ZMAT4: variants seen among roughly 807,000 people sequenced by gnomAD.
ZMAT4 encodes the protein zinc finger matrin-type protein 4.
ZMAT4 carries 17 observed loss-of-function variants against 28.7 expected under a neutral mutation model. That is an observed-to-expected ratio of 0.59 (90% CI 0.41 to 0.89). The LOEUF is 0.89. Among genes scored for constraint, ZMAT4 ranks in the 40% least tolerant of loss-of-function variants. The probability of loss-of-function intolerance (pLI) is 0.00; values close to 1 mark genes in which losing one functional copy is unlikely to be tolerated. For missense variants in ZMAT4, 240 were observed against 283.8 expected, an observed-to-expected ratio of 0.85 and a Z score of 1.11; for synonymous variants, 117 against 109.2, an observed-to-expected ratio of 1.07 and a Z score of -0.44.
chr8:40,716,109 A>G (rs1810842820), intron 3 of ZMAT4, among the ~76,000 whole-genome samples: 1 of 152,226 alleles, frequency 6.6e-6, no homozygotes, highest in South Asian at 2.1e-4. Flanking sequence ...GAAAAGATAT[A>G]ACTTTAATGG....
chr8:40,646,557 A>C (rs1270201280), intron 5 of ZMAT4, among the ~76,000 whole-genome samples: 1 of 152,140 alleles, frequency 6.6e-6, no homozygotes, highest in Non-Finnish European at 1.5e-5. Flanking sequence ...TAAAATAAGA[A>C]GTATCCATTT....
intron 3 of ZMAT4, among the ~76,000 whole-genome samples, chr8:40,765,587 C>T (rs531043651): frequency 1.6e-4 from 25 of 152,296 alleles, no homozygotes; most frequent in African/African-American, 3.4e-4. Flanking sequence ...TCCACGGGGA[C>T]TTTGATAAAG....
chr8:40,809,445 T>C (rs1799188697), intron 2 of ZMAT4, among the ~76,000 whole-genome samples: 1 of 152,152 alleles, frequency 6.6e-6, no homozygotes, highest in Non-Finnish European at 1.5e-5. Flanking sequence ...AACAAACCTG[T>C]ACATGTATCC....
At chr8:40,630,205 A>C (rs1201227402) in intron 5 of ZMAT4, among the ~76,000 whole-genome samples, 2 of 152,192 alleles carry the variant, frequency 1.3e-5, no homozygotes, top group Non-Finnish European at 2.9e-5. Flanking sequence ...CTTTAAACAG[A>C]AGTATGTGTT....
At position 40,814,468 on chromosome 8, in the gene ZMAT4, A is replaced by G. The variant is rs116409611; in HGVS notation, c.102+11107T>C. ...CAATCATTACAGGTCGAGATCTGAA[A>G]AGCAACTGATATGTGCATCACTACA... On this transcript the variant is annotated intron_variant, in intron 2 of 6. Transcript: ENST00000297737. Among the ~76,000 whole-genome samples the G allele has an allele frequency of 3.3e-3, 497 of 152,366 alleles. 5 individuals are homozygous for G. Among genetic ancestry groups the G allele is most frequent in the African/African-American group, 0.011 (469 of 41,586 alleles).
At chr8:40,595,945 A>T (rs1452209858) in intron 5 of ZMAT4, among the ~76,000 whole-genome samples, 1 of 152,000 alleles carries the variant, frequency 6.6e-6, no homozygotes, top group Non-Finnish European at 1.5e-5. Context: ...TTAGCCAGGC[A>T]TGGTGGTGGG....
At chr8:40,780,403 G>T (rs548754149) in intron 2 of ZMAT4, among the ~76,000 whole-genome samples, 2 of 152,220 alleles carry the variant, frequency 1.3e-5, no homozygotes, top group East Asian at 3.9e-4. Context: ...TCATAAAGTC[G>T]AACAATTGTT....
At chr8:40,683,048 T>G (rs1809244658) in intron 4 of ZMAT4, among the ~76,000 whole-genome samples, 1 of 152,084 alleles carries the variant, frequency 6.6e-6, no homozygotes, top group African/African-American at 2.4e-5. Context: ...GAGGCAAGGA[T>G]TTTTATCCTT....
rs891580688 is a variant in ZMAT4 at position 40,769,259 on chromosome 8, T to TTTTG, written c.103-1533_103-1530dup. ...TTAATCAAAGGTCATCTGGAGTTTT[T>TTTTG]TTTGTTTGTTTGTTTGTTTATTTTT... On this transcript the variant is annotated intron_variant, in intron 2 of 6. Transcript: ENST00000297737. Among the ~76,000 whole-genome samples, 17 of 152,318 alleles carry TTTTG rather than the reference T, an allele frequency of 1.1e-4. No homozygotes were observed. The East Asian group carries it at 1.2e-3, about 10-fold the overall frequency.
intron 5 of ZMAT4, among the ~76,000 whole-genome samples, chr8:40,616,328 T>C (rs1028301310): frequency 6.6e-6 from 1 of 152,190 alleles, no homozygotes. Context: ...GAGAGTGTGG[T>C]GATTCCTCAA....
rs58513087 is a variant in ZMAT4, at chr8:40,723,542, C to CAAAAAA, written c.193-26147_193-26142dup. Among the ~76,000 whole-genome samples the CAAAAAA allele has an allele frequency of 1.9e-3, 130 of 66,768 alleles. 11 individuals carry two copies. Among genetic ancestry groups the CAAAAAA allele is most frequent in the Non-Finnish European group, 2.3e-3 (89 of 38,386 alleles). The allele number at this position is 66,768 out of a possible 152,430, so 43.8% of individuals were successfully genotyped here. ...TGGGTGACACAGCAAGATTCCATCT[C>CAAAAAA]AAAAAAAAAAAAAAAAAAAAAAAGA... On this transcript the variant is annotated intron_variant, in intron 3 of 6. Coordinates refer to ENST00000297737, the MANE Select transcript of ZMAT4 (RefSeq NM_024645.3).
chr8:40,784,684 T>C lies in ZMAT4; in HGVS notation c.103-16954A>G, dbSNP rs1813988315. Among the ~76,000 whole-genome samples, 4 of 152,288 alleles carry C rather than the reference T, an allele frequency of 2.6e-5. No individual in the cohort carries two copies. The South Asian group carries it at 8.3e-4, about 32-fold the overall frequency. Reference sequence around the variant, plus strand: ...CTTAAAACTCAGAGTTCCATCAGTTTGATGGACGTGAAGACACACTGCCCC... The same window carrying C: ...CTTAAAACTCAGAGTTCCATCAGTTCGATGGACGTGAAGACACACTGCCCC... On this transcript the variant is annotated intron_variant, in intron 2 of 6. Transcript: ENST00000297737.
intron 5 of ZMAT4, 48 bp from the exon 6 acceptor site, chr8:40,581,309 C>T: frequency 6.6e-7 from 1 of 1,505,744 alleles, no homozygotes; most frequent in Non-Finnish European, 9.2e-7. Context: ...TCGTCAACCA[C>T]CTGAAATGAA....
chr8:40,847,346 T>C (rs1338895683), intron 1 of ZMAT4, among the ~76,000 whole-genome samples: 1 of 152,160 alleles, frequency 6.6e-6, no homozygotes, highest in Non-Finnish European at 1.5e-5. Context: ...TAATGAGAAT[T>C]AAACAACGTG....
In ZMAT4 at chr8:40,717,338, T is replaced by C. The variant is rs561488968; in HGVS notation, c.193-19937A>G. ...TCTGTGTTAGTTCCATCAAGAAATA[T>C]CTTCTAATATAAAATACTCAAAATA... On this transcript the variant is annotated intron_variant, in intron 3 of 6. Transcript: ENST00000297737. Among the ~76,000 whole-genome samples, 5 of 152,232 alleles carry C rather than the reference T, an allele frequency of 3.3e-5. No homozygotes were observed. The South Asian group carries it at 1.0e-3, about 32-fold the overall frequency.
intron 6 of ZMAT4, among the ~76,000 whole-genome samples, chr8:40,539,068 G>A (rs985393556): frequency 6.6e-6 from 1 of 152,152 alleles, no homozygotes; most frequent in Non-Finnish European, 1.5e-5. Context: ...ACAGGGATGA[G>A]CCACCACAAC....
chr8:40,816,240 C>G (rs1027408817), intron 2 of ZMAT4, among the ~76,000 whole-genome samples: 1 of 152,156 alleles, frequency 6.6e-6, no homozygotes, highest in African/African-American at 2.4e-5. Flanking sequence ...CCTGTGCAGT[C>G]ACCCACAATC....
chr8:40,535,138 A>C (rs1802807454), intron 6 of ZMAT4, among the ~76,000 whole-genome samples: 1 of 152,194 alleles, frequency 6.6e-6, no homozygotes. Context: ...GTGGCGCGAC[A>C]TAGAACTTCT....
At chr8:40,688,261 G>T (rs1809504512) in intron 4 of ZMAT4, among the ~76,000 whole-genome samples, 1 of 152,052 alleles carries the variant, frequency 6.6e-6, no homozygotes, top group African/African-American at 2.4e-5. Context: ...TTCAAGACCA[G>T]CCTGACCAAC....
Sources: allele counts gnomAD v4.1 joint callset (sites outside exome capture counted in the v4.1 genomes callset), GRCh38; gene constraint gnomAD v4.1.1; transcripts MANE v1.5; gene names NCBI Gene and HGNC (gene_info 2026-07-23, HGNC 2026-07-21).